The following SLC35F4 variants were observed in gnomAD, a reference collection of about 807,000 sequenced individuals.
The protein encoded by SLC35F4 is solute carrier family 35 member F4, also known as chromosome 14 open reading frame 36.
Under a neutral mutation model 44.2 loss-of-function variants are expected in SLC35F4, and 24 were observed. The ratio of observed to expected loss-of-function variants is 0.54; its 90% CI spans 0.39 to 0.76. The LOEUF is 0.76. Ranked by LOEUF, SLC35F4 falls within the 30% of genes least tolerant of loss-of-function variation. The probability of loss-of-function intolerance (pLI) is 0.00; values close to 1 mark genes in which losing one functional copy is unlikely to be tolerated. For missense variants in SLC35F4, 562 were observed against 586.1 expected (o/e 0.96, Z 0.42); for synonymous variants, 238 against 223.6 (o/e 1.06, Z -0.57).
intron 1 of SLC35F4, among the ~76,000 whole-genome samples, chr14:57,891,889 G>T: frequency 6.6e-6 from 1 of 152,000 alleles, no homozygotes; most frequent in Admixed American, 6.6e-5. Context: ...AAACAAAAAA[G>T]ATTCTTTCTT....
intron 1 of SLC35F4, among the ~76,000 whole-genome samples, chr14:57,636,345 T>A (rs1452716644): frequency 7.2e-5 from 11 of 152,144 alleles, no homozygotes; most frequent in Non-Finnish European, 1.5e-5. Context: ...GAGGTTGCAC[T>A]GAAAATACCA....
intron 1 of SLC35F4, among the ~76,000 whole-genome samples, chr14:57,617,321 G>A (rs1249306018): frequency 6.6e-6 from 1 of 151,360 alleles, no homozygotes; most frequent in South Asian, 2.1e-4. Context: ...TAGTGGAGAC[G>A]GGGTTTCACC....
intron 1 of SLC35F4, among the ~76,000 whole-genome samples, chr14:57,839,199 T>C (rs1405172732): frequency 2.6e-5 from 4 of 152,156 alleles, no homozygotes; most frequent in African/African-American, 9.7e-5. Flanking sequence ...AGGTTCATTA[T>C]TCACCAATAT....
intron 1 of SLC35F4, among the ~76,000 whole-genome samples, chr14:57,721,657 T>C (rs1706289054): frequency 6.6e-6 from 1 of 152,044 alleles, no homozygotes; most frequent in Non-Finnish European, 1.5e-5. Flanking sequence ...AAAGAATGGA[T>C]GAAAAGACTG....
intron 1 of SLC35F4, among the ~76,000 whole-genome samples, chr14:57,830,564 A>G (rs1884263007): frequency 6.6e-6 from 1 of 152,220 alleles, no homozygotes; most frequent in African/African-American, 2.4e-5. Context: ...GAAAATTTAA[A>G]GAGCAAAGTG....
chr14:57,856,774 T>C (rs189065071), intron 1 of SLC35F4, among the ~76,000 whole-genome samples: 1 of 152,148 alleles, frequency 6.6e-6, no homozygotes, highest in South Asian at 2.1e-4. Context: ...ATAAACATAA[T>C]ATGAACAAGG....
chr14:57,787,952 A>G (rs2077809791), intron 1 of SLC35F4, among the ~76,000 whole-genome samples: 1 of 152,212 alleles, frequency 6.6e-6, no homozygotes, highest in Admixed American at 6.5e-5. Context: ...AATGGTCTAA[A>G]TGCTCCACTT....
At chr14:57,577,157 A>T (rs936294462) in intron 4 of SLC35F4, among the ~76,000 whole-genome samples, 1 of 152,212 alleles carries the variant, frequency 6.6e-6, no homozygotes, top group African/African-American at 2.4e-5. Context: ...TTAATTCTTA[A>T]TATTTAATAT....
intron 4 of SLC35F4, among the ~76,000 whole-genome samples, chr14:57,575,961 T>C (rs11628493): frequency 0.19 from 28,751 of 152,020 alleles, 2,919 homozygotes; most frequent in Non-Finnish European, 0.22. Flanking sequence ...AATATCTGGC[T>C]TTTGGCCGTT....
Position 57,865,770 on chromosome 14 carries a change from C to T in SLC35F4, c.56G>A (p.Arg19Gln). The change falls in exon 1 of 8, where the codon CGG becomes CAG. Residue 19 changes from arginine to glutamine, a missense_variant. Physicochemically the swap from Arg to Gln is conservative, Grantham distance 43. Coordinates refer to ENST00000556826, the MANE Select transcript of SLC35F4 (RefSeq NM_001306087.2). ...ATAATAGCCATAGTAGCCGGTGATC[C>T]GCAGGATCCGGTCCTCGATAGTGGC... ...GVATIEDRILRITGYYGYYPG... is the reference protein window; with the variant it reads ...GVATIEDRILQITGYYGYYPG... 1 of 1,523,742 alleles carries T rather than the reference C, an allele frequency of 6.6e-7. No individual in the cohort carries two copies. Among genetic ancestry groups the T allele is most frequent in the Non-Finnish European group, 8.8e-7 (1 of 1,141,984 alleles). The allele number at this position is 1,523,742 out of a possible 1,614,324, so 94.4% of individuals were successfully genotyped here.
chr14:57,778,446 A>G (rs1815134785), intron 1 of SLC35F4, among the ~76,000 whole-genome samples: 1 of 152,110 alleles, frequency 6.6e-6, no homozygotes, highest in South Asian at 2.1e-4. Context: ...CTAAATATAT[A>G]TGCGCCCAAC....
At chr14:57,947,251 GTT>G (rs71104597) in intron 1 of SLC35F4, among the ~76,000 whole-genome samples, 22 of 138,654 alleles carry the variant, frequency 1.6e-4, no homozygotes, top group East Asian at 4.1e-4. Flanking sequence ...TGGGTTTTTT[GTT>G]TTTTTTTTTT....
At chr14:57,909,493 T>A (rs546197808) in intron 1 of SLC35F4, among the ~76,000 whole-genome samples, 1 of 151,866 alleles carries the variant, frequency 6.6e-6, no homozygotes, top group East Asian at 1.9e-4. Context: ...CCTTTTCCTA[T>A]CTCCACGGTG....
At chr14:57,901,262 A>T (rs1169925619) in intron 1 of SLC35F4, among the ~76,000 whole-genome samples, 1 of 152,260 alleles carries the variant, frequency 6.6e-6, no homozygotes, top group African/African-American at 2.4e-5. Context: ...AAAGATCTGG[A>T]ATCAACCTAA....
At chr14:57,583,286 G>A (rs567258842) in intron 3 of SLC35F4, among the ~76,000 whole-genome samples, 7 of 152,286 alleles carry the variant, frequency 4.6e-5, no homozygotes, top group Non-Finnish European at 7.4e-5. Flanking sequence ...GTACTTATAA[G>A]GCGATCTGCT....
intron 1 of SLC35F4, among the ~76,000 whole-genome samples, chr14:57,635,861 C>T (rs535439435): frequency 3.0e-4 from 45 of 152,168 alleles, no homozygotes; most frequent in Non-Finnish European, 6.0e-4. Context: ...TATGTAATTA[C>T]GCCAACACAT....
At chr14:57,689,367 A>G (rs533652691) in intron 1 of SLC35F4, among the ~76,000 whole-genome samples, 10 of 152,212 alleles carry the variant, frequency 6.6e-5, no homozygotes, top group African/African-American at 2.4e-4. Flanking sequence ...TCAAGTCCAC[A>G]CCATTACCTA....
chr14:57,652,858 T>C (rs1443544971), intron 1 of SLC35F4, among the ~76,000 whole-genome samples: 1 of 152,228 alleles, frequency 6.6e-6, no homozygotes, highest in Non-Finnish European at 1.5e-5. Flanking sequence ...GGGAGATGAT[T>C]TGTGGATATT....
At chr14:57,842,546 T>C (rs571215868) in intron 1 of SLC35F4, among the ~76,000 whole-genome samples, 99 of 152,212 alleles carry the variant, frequency 6.5e-4, no homozygotes, top group African/African-American at 2.3e-3. Flanking sequence ...TATCTACACC[T>C]CTGAAAGATC....
Sources: allele counts gnomAD v4.1 joint callset (sites outside exome capture counted in the v4.1 genomes callset), GRCh38; gene constraint gnomAD v4.1.1; transcripts MANE v1.5; gene names NCBI Gene and HGNC (gene_info 2026-07-23, HGNC 2026-07-21).